Variants in ADAM32 observed in about 807,000 individuals in gnomAD.
The protein encoded by ADAM32 is disintegrin and metalloproteinase domain-containing protein 32.
Under a neutral mutation model 114.9 loss-of-function variants are expected in ADAM32, and 89 were observed. That is an observed-to-expected ratio of 0.77 (90% CI 0.65 to 0.92). ADAM32 has a LOEUF of 0.92. ADAM32 is among the 40% of genes least tolerant of loss of function. The pLI, the probability that ADAM32 is intolerant of heterozygous loss-of-function variation, is 0.00. For synonymous variants in ADAM32, 285 were observed against 307.5 expected, an observed-to-expected ratio of 0.93 and a Z score of 0.77; for missense variants, 870 against 932.8, an observed-to-expected ratio of 0.93 and a Z score of 0.88.
intron 12 of ADAM32, among the ~76,000 whole-genome samples, chr8:39,215,813 C>A (rs555912533): frequency 6.6e-6 from 1 of 151,862 alleles, no homozygotes; most frequent in Non-Finnish European, 1.5e-5. Context: ...AACATATGGT[C>A]TGTCTATACT....
At chr8:39,141,405 G>T (rs1414850084) in intron 3 of ADAM32, among the ~76,000 whole-genome samples, 31 of 152,132 alleles carry the variant, frequency 2.0e-4, no homozygotes, top group Admixed American at 2.0e-3. Flanking sequence ...GTTCTCATTG[G>T]TTTCAAAGAA....
intron 11 of ADAM32, among the ~76,000 whole-genome samples, chr8:39,200,604 T>C (rs1418132672): frequency 1.3e-5 from 2 of 152,158 alleles, no homozygotes; most frequent in Non-Finnish European, 2.9e-5. Context: ...GTTTCTTTTG[T>C]TGTGCAGAAG....
chr8:39,185,920 G>A (rs1806208429), intron 10 of ADAM32, among the ~76,000 whole-genome samples: 2 of 151,400 alleles, frequency 1.3e-5, no homozygotes, highest in African/African-American at 2.4e-5. Context: ...CTCATTGTTT[G>A]GAGAGGGCTT....
rs1259857406 is a variant in ADAM32, at chr8:39,107,800, G to A, written c.25G>A (p.Ala9Thr). Residue 9 changes from alanine (A) to threonine (T), a missense_variant, in exon 1 of 25, where the codon GCC (alanine) becomes ACC (threonine). Physicochemically the swap from Ala to Thr is moderately conservative, Grantham distance 58. Coordinates refer to ENST00000379907, the MANE Select transcript of ADAM32 (RefSeq NM_145004.7). MFRLWLLL[A>T]GLCGLLASRP... Reference sequence around the variant, plus strand: ...CATGTTCCGCCTCTGGTTGCTGCTGGCCGGGCTCTGCGGCCTCCTGGCGTC... The same window carrying A: ...CATGTTCCGCCTCTGGTTGCTGCTGACCGGGCTCTGCGGCCTCCTGGCGTC... The A allele has an allele frequency of 6.5e-7, 1 of 1,549,882 alleles. No individual in the cohort carries two copies. The highest frequency in any genetic ancestry group is 2.0e-5 in the Admixed American group (1 of 50,920).
intron 19 of ADAM32, among the ~76,000 whole-genome samples, chr8:39,264,503 CT>C (rs1337264721): frequency 2.6e-5 from 4 of 152,108 alleles, no homozygotes; most frequent in Admixed American, 1.3e-4. Flanking sequence ...AAAAAAGAAA[CT>C]TTCGGTTTTA....
chr8:39,274,745 G>A (rs1162754287), intron 21 of ADAM32, among the ~76,000 whole-genome samples: 1 of 152,154 alleles, frequency 6.6e-6, no homozygotes, highest in Non-Finnish European at 1.5e-5. Context: ...TATAATGAAG[G>A]TGAAAATTCC....
chr8:39,107,731 C>T, upstream of ADAM32: 2 of 1,549,980 alleles, frequency 1.3e-6, no homozygotes, highest in African/African-American at 1.4e-5. Flanking sequence ...CCTGGCAATT[C>T]CCGACTTCCC....
At chr8:39,240,109 A>G (rs1260640745) in intron 16 of ADAM32, among the ~76,000 whole-genome samples, 1 of 152,218 alleles carries the variant, frequency 6.6e-6, no homozygotes, top group East Asian at 1.9e-4. Context: ...TTCTGCCCCA[A>G]AATGCAGAAT....
At chr8:39,131,964 G>T in intron 2 of ADAM32, 1 of 303,934 alleles carries the variant, frequency 3.3e-6, no homozygotes, top group Non-Finnish European at 6.8e-6. Context: ...CACGATCTCG[G>T]CTCACCTCAA....
At position 39,169,045 on chromosome 8, in the gene ADAM32, A is replaced by G. The variant is rs528070721; in HGVS notation, c.834-871A>G. On this transcript the variant is annotated intron_variant, in intron 9 of 24. Transcript: ENST00000379907. ...ATGCTGGAAGGGTTAGGTATAAACA[A>G]TATCAGAGAGACAGAATAAAAGTAG... 4 of 152,378 alleles carry G rather than the reference A, an allele frequency of 2.6e-5. No individual in the cohort carries two copies. In the South Asian group the frequency reaches 8.3e-4, roughly 32 times the overall value. The allele number at this position is 152,378 out of a possible 1,614,324, so 9.4% of individuals were successfully genotyped here. A position where few individuals can be genotyped will look rare whatever the true frequency, so the allele number is the denominator to read the frequency against.
intron 16 of ADAM32, among the ~76,000 whole-genome samples, chr8:39,235,259 T>A (rs1346858487): frequency 6.6e-6 from 1 of 152,204 alleles, no homozygotes; most frequent in Non-Finnish European, 1.5e-5. Flanking sequence ...ATTCTGACTC[T>A]GCCACTTACT....
At chr8:39,182,823 C>A (rs542063575) in intron 10 of ADAM32, among the ~76,000 whole-genome samples, 3 of 152,192 alleles carry the variant, frequency 2.0e-5, no homozygotes, top group Non-Finnish European at 2.9e-5. Flanking sequence ...GAGATGTTCA[C>A]GTCTTCTAGC....
intron 11 of ADAM32, among the ~76,000 whole-genome samples, chr8:39,188,003 GC>G (rs1200681040): frequency 1.3e-5 from 2 of 152,120 alleles, no homozygotes; most frequent in African/African-American, 4.8e-5. Flanking sequence ...TTTTCTGTTT[GC>G]AAATATGGCC....
intron 21 of ADAM32, among the ~76,000 whole-genome samples, chr8:39,274,649 A>G (rs1812963885): frequency 6.6e-6 from 1 of 152,256 alleles, no homozygotes; most frequent in African/African-American, 2.4e-5. Context: ...GAAGTTACCC[A>G]GCTGGTGTTA....
At position 39,257,226 on chromosome 8, in the gene ADAM32, C is replaced by A. The variant is rs1404327354; in HGVS notation, c.2045C>A (p.Thr682Asn). The A allele has an allele frequency of 2.5e-6, 4 of 1,608,274 alleles. No homozygotes were observed. The African/African-American group carries it at 4.0e-5, about 16-fold the overall frequency. The change falls in exon 19 of 25, where the codon ACC becomes AAC. Residue 682 changes from threonine to asparagine, a missense_variant. Transcript: ENST00000379907. ...AGAGCATCTGGGAAGACTGAAAACA[C>A]CTGGCTTCTAGGTTTCCTCATTGCT... ...MERASGKTENTWLLGFLIALP... is the reference protein window; with the variant it reads ...MERASGKTENNWLLGFLIALP...
chr8:39,122,832 G>A (rs534529800), intron 2 of ADAM32, among the ~76,000 whole-genome samples: 1 of 152,306 alleles, frequency 6.6e-6, no homozygotes, highest in South Asian at 2.1e-4. Context: ...GCCTCCCAAA[G>A]TGTTGGGATT....
chr8:39,241,887 A>T (rs1278529411), intron 16 of ADAM32, among the ~76,000 whole-genome samples: 1 of 151,992 alleles, frequency 6.6e-6, no homozygotes, highest in East Asian at 1.9e-4. Context: ...AGCAAGTGGG[A>T]TTTTCTTTTC....
intron 16 of ADAM32, among the ~76,000 whole-genome samples, chr8:39,235,750 G>A (rs1287532495): frequency 6.6e-6 from 1 of 152,044 alleles, no homozygotes; most frequent in African/African-American, 2.4e-5. Flanking sequence ...TTTCAACTGA[G>A]CCAGGCAGAC....
chr8:39,273,595 A>G (rs2129451440), intron 20 of ADAM32, among the ~76,000 whole-genome samples: 1 of 152,324 alleles, frequency 6.6e-6, no homozygotes, highest in South Asian at 2.1e-4. Context: ...AGTTATTATT[A>G]TCATTATCAT....
Sources: gnomAD v4.1 joint callset for allele counts (sites outside exome capture counted in the v4.1 genomes callset) on GRCh38, gnomAD v4.1.1 for gene constraint, MANE v1.5 for transcripts, NCBI Gene and HGNC (gene_info 2026-07-23, HGNC 2026-07-21) for gene names.